MAGI2: variants seen among roughly 807,000 people sequenced by gnomAD.
MAGI2 encodes the protein membrane associated guanylate kinase, WW and PDZ domain containing 2, also known as membrane-associated guanylate kinase, WW and PDZ domain-containing protein 2.
In MAGI2, 35 loss-of-function variants were observed where a neutral mutation model predicts 133.3. The ratio of observed to expected loss-of-function variants is 0.26; its 90% CI spans 0.20 to 0.35. The LOEUF is 0.35. MAGI2 is among the 10% of genes least tolerant of loss of function. The pLI is 1.00. For missense variants in MAGI2, 1,636 were observed against 1,863.4 expected (o/e 0.88, Z 2.25); for synonymous variants, 729 against 710.6 (o/e 1.03, Z -0.41).
At chr7:78,494,971 C>A (rs187783862) in intron 5 of MAGI2, among the ~76,000 whole-genome samples, 1 of 152,212 alleles carries the variant, frequency 6.6e-6, no homozygotes, top group East Asian at 1.9e-4. Context: ...AAACAATCTT[C>A]TGAAGAAGAT....
At chr7:79,239,803 T>C (rs1176222038) in intron 1 of MAGI2, among the ~76,000 whole-genome samples, 1 of 152,202 alleles carries the variant, frequency 6.6e-6, no homozygotes, top group African/African-American at 2.4e-5. Context: ...AATGACAAAC[T>C]TCCTTATTTC....
intron 1 of MAGI2, among the ~76,000 whole-genome samples, chr7:79,199,800 G>T (rs2129551817): frequency 6.6e-6 from 1 of 151,996 alleles, no homozygotes; most frequent in East Asian, 1.9e-4. Context: ...GGAGAGGTGA[G>T]GAAACCAAGC....
intron 1 of MAGI2, among the ~76,000 whole-genome samples, chr7:79,121,564 A>C (rs904864032): frequency 6.6e-6 from 1 of 151,488 alleles, no homozygotes; most frequent in Non-Finnish European, 1.5e-5. Flanking sequence ...CAGTGGGATG[A>C]CCCCCAGCTA....
chr7:78,678,390 C>G (rs977315373), intron 2 of MAGI2, among the ~76,000 whole-genome samples: 5 of 152,078 alleles, frequency 3.3e-5, no homozygotes, highest in African/African-American at 1.2e-4. Context: ...AGTCATCTTC[C>G]CCTTTATCCC....
At chr7:79,235,929 C>T (rs1029989639) in intron 1 of MAGI2, among the ~76,000 whole-genome samples, 1 of 152,200 alleles carries the variant, frequency 6.6e-6, no homozygotes, top group African/African-American at 2.4e-5. Context: ...GCTCAATAAA[C>T]AGTTGTTAAA....
Position 78,341,505 on chromosome 7 carries a change from A to T in MAGI2, c.1408+2273T>A, listed in dbSNP as rs1446067710. Among the ~76,000 whole-genome samples the T allele has an allele frequency of 2.6e-5, 4 of 152,294 alleles. No individual in the cohort carries two copies. The East Asian group carries it at 7.7e-4, about 29-fold the overall frequency. On this transcript the variant is annotated intron_variant, in intron 9 of 21. Coordinates refer to ENST00000354212, the MANE Select transcript of MAGI2 (RefSeq NM_012301.4). ...AAAAAGAGCCCACATTGCTAAGACA[A>T]TCCTAAGCAAAAAGAATAAAGCTGG...
intron 1 of MAGI2, among the ~76,000 whole-genome samples, chr7:79,445,914 G>A (rs535272968): frequency 1.3e-5 from 2 of 152,284 alleles, no homozygotes; most frequent in Admixed American, 1.3e-4. Flanking sequence ...TTGGAACCAA[G>A]CCAAATGTCC....
chr7:78,932,199 T>C (rs1194487974), intron 2 of MAGI2, among the ~76,000 whole-genome samples: 1 of 152,132 alleles, frequency 6.6e-6, no homozygotes, highest in African/African-American at 2.4e-5. Flanking sequence ...ATGCCTCACA[T>C]GTGGCCAAGA....
intron 1 of MAGI2, among the ~76,000 whole-genome samples, chr7:79,157,795 T>C (rs1160912115): frequency 6.6e-6 from 1 of 151,628 alleles, no homozygotes; most frequent in African/African-American, 2.4e-5. Context: ...TCTGACTGCT[T>C]CAAATCTACT....
At chr7:78,108,665 T>A (rs1263875897) in intron 20 of MAGI2, among the ~76,000 whole-genome samples, 8 of 133,650 alleles carry the variant, frequency 6.0e-5, no homozygotes, top group African/African-American at 5.1e-5. Context: ...TGTGTGTGTG[T>A]GTGTATACAC....
In MAGI2 at chr7:78,917,514, T is replaced by C. The variant is rs147333785; in HGVS notation, c.418+89576A>G. On this transcript the variant is annotated intron_variant, in intron 2 of 21. Transcript: ENST00000354212. Reference sequence around the variant, plus strand: ...CTTGTGATGTCTAGGATGCATCTGTTCTTCCCGGTTTTATCCTTGGCCATT... The same window carrying C: ...CTTGTGATGTCTAGGATGCATCTGTCCTTCCCGGTTTTATCCTTGGCCATT... 2.6e-5 allele frequency among the ~76,000 whole-genome samples: 4 copies of C among 152,242 alleles called. No homozygotes were observed. In the East Asian group the frequency reaches 7.7e-4, roughly 29 times the overall value.
chr7:78,391,109 TC>T (rs1429756018), intron 6 of MAGI2, among the ~76,000 whole-genome samples: 1 of 152,170 alleles, frequency 6.6e-6, no homozygotes, highest in Non-Finnish European at 1.5e-5. Flanking sequence ...CCATTACGTA[TC>T]CAGCCTTTAT....
At chr7:79,053,284 A>G (rs776590067) in intron 1 of MAGI2, among the ~76,000 whole-genome samples, 6 of 152,096 alleles carry the variant, frequency 3.9e-5, no homozygotes, top group Non-Finnish European at 5.9e-5. Flanking sequence ...CTATTCTTAT[A>G]TACTGTGATA....
At chr7:79,125,485 G>A in intron 1 of MAGI2, 1 of 511,844 alleles carries the variant, frequency 2.0e-6, no homozygotes. Context: ...TTACTCCAGA[G>A]GAAGCAGACG....
intron 6 of MAGI2, among the ~76,000 whole-genome samples, chr7:78,387,631 A>G (rs775541943): frequency 3.0e-4 from 45 of 152,216 alleles, no homozygotes; most frequent in Non-Finnish European, 1.3e-4. Flanking sequence ...TATTAATTAC[A>G]GAAAATAAAA....
At chr7:78,433,904 T>C (rs1034135023) in intron 6 of MAGI2, among the ~76,000 whole-genome samples, 1 of 152,182 alleles carries the variant, frequency 6.6e-6, no homozygotes, top group Non-Finnish European at 1.5e-5. Context: ...GATACAAATA[T>C]AATCCTTAGC....
At chr7:78,813,808 A>G (rs1170244116) in intron 2 of MAGI2, among the ~76,000 whole-genome samples, 2 of 148,590 alleles carry the variant, frequency 1.3e-5, no homozygotes, top group South Asian at 2.1e-4. Flanking sequence ...AAAAAAACAC[A>G]AAAAGCAACA....
chr7:78,879,629 C>T (rs995024773), intron 2 of MAGI2, among the ~76,000 whole-genome samples: 37 of 151,922 alleles, frequency 2.4e-4, no homozygotes, highest in African/African-American at 7.3e-4. Context: ...GTGCCATAAG[C>T]GCCAGGTGAG....
intron 2 of MAGI2, among the ~76,000 whole-genome samples, chr7:78,794,865 T>C (rs1787471434): frequency 6.6e-6 from 1 of 152,164 alleles, no homozygotes; most frequent in African/African-American, 2.4e-5. Context: ...GAAGGAAAGA[T>C]GCATCCTATT....
Sources: allele counts gnomAD v4.1 joint callset (sites outside exome capture counted in the v4.1 genomes callset), GRCh38; gene constraint gnomAD v4.1.1; transcripts MANE v1.5; gene names NCBI Gene and HGNC (gene_info 2026-07-23, HGNC 2026-07-21).